Variants in TRIQK observed in about 807,000 individuals in gnomAD.
The protein encoded by TRIQK is triple QxxK/R motif-containing protein.
TRIQK carries 10 observed loss-of-function variants against 10.8 expected under a neutral mutation model. The observed-to-expected ratio is 0.92, with a 90% CI of 0.57 to 1.57. The LOEUF (loss-of-function observed/expected upper bound fraction) is 1.57, where lower values mean the gene tolerates loss of function less well. Ranked by LOEUF, TRIQK falls within the 40% of genes most tolerant of loss-of-function variation. TRIQK has a pLI of 0.00. For synonymous variants in TRIQK, 33 were observed against 33.7 expected (o/e 0.98, Z 0.07); for missense variants, 107 against 97.7 (o/e 1.09, Z -0.40).
chr8:92,986,259 A>G (rs1169662626), intron 1 of TRIQK, among the ~76,000 whole-genome samples: 2 of 152,028 alleles, frequency 1.3e-5, no homozygotes, highest in Non-Finnish European at 2.9e-5. Flanking sequence ...GCACCACATT[A>G]TTTTGCCAAG....
upstream of TRIQK, among the ~76,000 whole-genome samples, chr8:92,967,087 T>G (rs568473503): frequency 1.5e-3 from 226 of 151,816 alleles, 1 homozygote; most frequent in African/African-American, 5.0e-3. Context: ...CAAAATGTAA[T>G]TTTATTTTCC....
chr8:92,906,511 C>A (rs1480520433), intron 3 of TRIQK, among the ~76,000 whole-genome samples: 3 of 152,062 alleles, frequency 2.0e-5, no homozygotes, highest in African/African-American at 7.2e-5. Flanking sequence ...TAAGTTACAA[C>A]TACTATGACC....
intron 1 of TRIQK, among the ~76,000 whole-genome samples, chr8:93,014,341 G>A (rs550361062): frequency 1.4e-4 from 22 of 151,880 alleles, no homozygotes; most frequent in Middle Eastern, 3.4e-3. Flanking sequence ...ATGCAAGCCC[G>A]TTATTACTAA....
At chr8:92,961,791 T>G (rs1297803713) in intron 1 of TRIQK, among the ~76,000 whole-genome samples, 1 of 152,204 alleles carries the variant, frequency 6.6e-6, no homozygotes. Flanking sequence ...TTCAATACAA[T>G]TGGTCTGTTA....
chr8:92,898,162 GA>G (rs1808707904), intron 3 of TRIQK, among the ~76,000 whole-genome samples: 1 of 152,100 alleles, frequency 6.6e-6, no homozygotes, highest in Non-Finnish European at 1.5e-5. Flanking sequence ...ATGCCACAGA[GA>G]AAGGGCTCTT....
chr8:93,009,768 C>A (rs1813313500), intron 1 of TRIQK, among the ~76,000 whole-genome samples: 1 of 152,008 alleles, frequency 6.6e-6, no homozygotes, highest in Admixed American at 6.6e-5. Flanking sequence ...TCCAGCAATA[C>A]CACTGCTGGG....
intron 1 of TRIQK, among the ~76,000 whole-genome samples, chr8:92,981,724 T>C (rs1280298818): frequency 1.3e-5 from 2 of 151,956 alleles, no homozygotes; most frequent in Non-Finnish European, 2.9e-5. Flanking sequence ...TTTTCATTTT[T>C]TTATTACTCC....
chr8:93,009,834 G>A (rs928294071), intron 1 of TRIQK, among the ~76,000 whole-genome samples: 19 of 152,038 alleles, frequency 1.2e-4, no homozygotes, highest in Non-Finnish European at 2.9e-5. Context: ...GTACTCTCCT[G>A]TTTATTGTAG....
At chr8:92,950,113 AAAATGCC>A (rs1811817711) in intron 2 of TRIQK, among the ~76,000 whole-genome samples, 1 of 152,168 alleles carries the variant, frequency 6.6e-6, no homozygotes, top group Non-Finnish European at 1.5e-5. Context: ...GATAACTTTT[AAAATGCC>A]AAATTATGTA....
intron 2 of TRIQK, among the ~76,000 whole-genome samples, chr8:92,920,722 T>C (rs965503652): frequency 6.6e-6 from 1 of 151,778 alleles, no homozygotes; most frequent in South Asian, 2.1e-4. Context: ...ACTGTGTTTA[T>C]TGGCACATGC....
chr8:92,901,490 T>C (rs764900488), intron 3 of TRIQK, among the ~76,000 whole-genome samples: 28 of 152,218 alleles, frequency 1.8e-4, no homozygotes, highest in Non-Finnish European at 2.8e-4. Flanking sequence ...TTTTTCACCA[T>C]TAATTGAAAT....
chr8:92,915,007 T>C (rs1274478323), intron 3 of TRIQK, among the ~76,000 whole-genome samples: 4 of 152,156 alleles, frequency 2.6e-5, no homozygotes, highest in South Asian at 2.1e-4. Flanking sequence ...TTTATACATA[T>C]ATAAAAATAT....
chr8:92,919,240 C>T (rs1396294805), intron 2 of TRIQK, among the ~76,000 whole-genome samples: 3 of 151,612 alleles, frequency 2.0e-5, no homozygotes, highest in African/African-American at 7.3e-5. Context: ...TAGGATTGTT[C>T]TTTAGGATTT....
At chr8:93,010,961 A>G (rs905059624) in intron 1 of TRIQK, among the ~76,000 whole-genome samples, 3 of 152,120 alleles carry the variant, frequency 2.0e-5, no homozygotes, top group African/African-American at 7.2e-5. Context: ...CTCTTACCTA[A>G]GCATTTTTGC....
intron 3 of TRIQK, among the ~76,000 whole-genome samples, chr8:92,895,160 T>G (rs1586372804): frequency 6.6e-6 from 1 of 152,222 alleles, no homozygotes; most frequent in Admixed American, 6.5e-5. Flanking sequence ...GTGCATGCTC[T>G]TTGGCCCTTC....
intron 2 of TRIQK, chr8:92,921,394 G>C (rs1366864225): frequency 6.6e-6 from 1 of 151,366 alleles, no homozygotes; most frequent in Non-Finnish European, 1.5e-5. Flanking sequence ...TTTCCTCTGG[G>C]TACTCTTGAC....
chr8:92,903,220 G>A (rs975915243), intron 3 of TRIQK, among the ~76,000 whole-genome samples: 1 of 152,002 alleles, frequency 6.6e-6, no homozygotes, highest in East Asian at 1.9e-4. Context: ...AATAAGAAGT[G>A]CATTTATTTT....
At chr8:92,952,418 AACACACACAC>A (rs143129049) in intron 2 of TRIQK, among the ~76,000 whole-genome samples, 2 of 148,196 alleles carry the variant, frequency 1.3e-5, no homozygotes, top group East Asian at 3.9e-4. Flanking sequence ...ACAAAGATAA[AACACACACAC>A]ACACACACAC....
At chr8:93,012,482 T>G (rs1271254682) in intron 1 of TRIQK, among the ~76,000 whole-genome samples, 1 of 152,174 alleles carries the variant, frequency 6.6e-6, no homozygotes, top group Non-Finnish European at 1.5e-5. Context: ...TATGAATATA[T>G]GGTGTCAAAT....
Sources: allele counts gnomAD v4.1 joint callset (sites outside exome capture counted in the v4.1 genomes callset), GRCh38; gene constraint gnomAD v4.1.1; transcripts MANE v1.5; gene names NCBI Gene and HGNC (gene_info 2026-07-23, HGNC 2026-07-21).